Variants in SPATA17 observed in about 807,000 individuals in gnomAD.
The protein encoded by SPATA17 is spermatogenesis associated 17.
Under a neutral mutation model 62.2 loss-of-function variants are expected in SPATA17, and 53 were observed. That is an observed-to-expected ratio of 0.85 (90% CI 0.68 to 1.07). The LOEUF (loss-of-function observed/expected upper bound fraction) is 1.07. Ranked by LOEUF, SPATA17 falls within the 50% of genes least tolerant of loss-of-function variation. The pLI is 0.00. For synonymous variants in SPATA17, 146 were observed against 146.8 expected, an observed-to-expected ratio of 0.99 and a Z score of 0.04; for missense variants, 466 against 425.5, an observed-to-expected ratio of 1.10 and a Z score of -0.84.
chr1:217,783,311 G>T (rs768551176), intron 8 of SPATA17, among the ~76,000 whole-genome samples: 1 of 151,818 alleles, frequency 6.6e-6, no homozygotes, highest in East Asian at 1.9e-4. Flanking sequence ...CATAAAATAT[G>T]TTATTTGAAT....
chr1:217,697,378 C>T (rs1486470103), intron 5 of SPATA17, among the ~76,000 whole-genome samples: 1 of 152,158 alleles, frequency 6.6e-6, no homozygotes, highest in East Asian at 1.9e-4. Context: ...TCATCTTTTC[C>T]AGGATCTAAT....
intron 8 of SPATA17, among the ~76,000 whole-genome samples, chr1:217,796,339 ATG>A (rs1326244139): frequency 6.6e-5 from 10 of 152,182 alleles, no homozygotes; most frequent in Admixed American, 4.6e-4. Flanking sequence ...CATAGATGTA[ATG>A]AAATTACTGA....
At chr1:217,678,656 A>G (rs1470344141) in intron 4 of SPATA17, among the ~76,000 whole-genome samples, 1 of 152,166 alleles carries the variant, frequency 6.6e-6, no homozygotes, top group Non-Finnish European at 1.5e-5. Context: ...AGGTTTTGCC[A>G]TTTGTTTTAG....
At chr1:217,746,515 A>G (rs1571776236) in intron 6 of SPATA17, among the ~76,000 whole-genome samples, 2 of 151,408 alleles carry the variant, frequency 1.3e-5, no homozygotes. Flanking sequence ...TTGTAAGCCA[A>G]AATTGTATTT....
At chr1:217,835,595 T>G (rs544151094) in intron 9 of SPATA17, among the ~76,000 whole-genome samples, 2 of 152,254 alleles carry the variant, frequency 1.3e-5, no homozygotes, top group African/African-American at 4.8e-5. Flanking sequence ...CAATAAAATT[T>G]TCTAAGTAAG....
At chr1:217,654,918 A>G (rs578090348) in intron 3 of SPATA17, among the ~76,000 whole-genome samples, 103 of 152,076 alleles carry the variant, frequency 6.8e-4, no homozygotes, top group Admixed American at 1.1e-3. Context: ...TTGCCGTGTT[A>G]GCCAGATGGT....
At chr1:217,714,570 C>T (rs1042122338) in intron 5 of SPATA17, among the ~76,000 whole-genome samples, 1 of 146,252 alleles carries the variant, frequency 6.8e-6, no homozygotes, top group Non-Finnish European at 1.5e-5. Flanking sequence ...CTGCAAGCTC[C>T]GCCTCCCAGG....
chr1:217,725,172 A>T (rs1229366937), intron 5 of SPATA17, among the ~76,000 whole-genome samples: 1 of 152,164 alleles, frequency 6.6e-6, no homozygotes, highest in Non-Finnish European at 1.5e-5. Flanking sequence ...ATTTTTAATG[A>T]CCAACAAGTT....
At chr1:217,846,804 A>G (rs1025963140) in intron 9 of SPATA17, among the ~76,000 whole-genome samples, 2 of 152,226 alleles carry the variant, frequency 1.3e-5, no homozygotes, top group South Asian at 4.1e-4. Context: ...AAGAGTGGTT[A>G]ATTTACTTAA....
At chr1:217,779,689 T>G (rs1376748270) in intron 7 of SPATA17, among the ~76,000 whole-genome samples, 1 of 152,102 alleles carries the variant, frequency 6.6e-6, no homozygotes. Context: ...TGTTTGTTTT[T>G]TCTGAGCCAT....
intron 9 of SPATA17, among the ~76,000 whole-genome samples, chr1:217,816,846 C>G (rs546021537): frequency 6.6e-6 from 1 of 151,986 alleles, no homozygotes; most frequent in Non-Finnish European, 1.5e-5. Context: ...GTATTCCTGG[C>G]ATAAACTCTC....
intron 6 of SPATA17, among the ~76,000 whole-genome samples, chr1:217,758,267 G>A (rs770243706): frequency 6.6e-5 from 10 of 152,120 alleles, no homozygotes; most frequent in African/African-American, 2.4e-4. Flanking sequence ...CCCAATATCA[G>A]TGTTAGTATT....
intron 5 of SPATA17, among the ~76,000 whole-genome samples, chr1:217,714,488 C>CTTTCTTTTTTTT (rs1671952472): frequency 8.2e-6 from 1 of 121,432 alleles, no homozygotes; most frequent in South Asian, 2.6e-4. Context: ...AAACGTGTTT[C>CTTTCTTTTTTTT]TTTTTTTTTT....
Position 217,701,071 on chromosome 1 carries a change from T to C in SPATA17, c.395+17710T>C, listed in dbSNP as rs115862750. On this transcript the variant is annotated intron_variant, in intron 5 of 10. Transcript: ENST00000366933. The stretch of plus-strand genomic sequence containing the variant: ...CTTATTACAACCTCCGCCTCCTGGG[T>C]TGAAGTGATTCTTGTGTCTTAGCCT... Among the ~76,000 whole-genome samples, 1,195 of 151,956 alleles carry C rather than the reference T, an allele frequency of 7.9e-3. 18 individuals carry two copies. The highest frequency in any genetic ancestry group is 0.027 in the African/African-American group (1,117 of 41,444).
intron 5 of SPATA17, among the ~76,000 whole-genome samples, chr1:217,699,807 C>A (rs1008652838): frequency 4.0e-5 from 6 of 151,816 alleles, no homozygotes; most frequent in Admixed American, 2.0e-4. Context: ...AGATTTTCTC[C>A]TTTTTTTTCT....
chr1:217,786,763 T>C (rs12057818), intron 8 of SPATA17, among the ~76,000 whole-genome samples: 5,654 of 87,372 alleles, frequency 0.065, 189 homozygotes, highest in East Asian at 0.25. Context: ...CTTCTTCTTC[T>C]TCTTCTTCTT....
intron 4 of SPATA17, among the ~76,000 whole-genome samples, chr1:217,678,508 C>T (rs984805816): frequency 4.6e-5 from 7 of 151,976 alleles, no homozygotes; most frequent in African/African-American, 1.7e-4. Flanking sequence ...GCTCCTGGCC[C>T]CATGCCTTCA....
chr1:217,732,153 G>C (rs1672417722), intron 5 of SPATA17, among the ~76,000 whole-genome samples: 1 of 151,276 alleles, frequency 6.6e-6, no homozygotes, highest in Admixed American at 6.6e-5. Flanking sequence ...CAATAAATGG[G>C]ATGGCATTCC....
At chr1:217,746,107 G>T (rs74142502) in intron 6 of SPATA17, among the ~76,000 whole-genome samples, 2 of 151,976 alleles carry the variant, frequency 1.3e-5, no homozygotes, top group African/African-American at 2.4e-5. Context: ...TTAAGATTTT[G>T]ATTTCAAATT....
Sources: allele counts gnomAD v4.1 joint callset (sites outside exome capture counted in the v4.1 genomes callset), GRCh38; gene constraint gnomAD v4.1.1; transcripts MANE v1.5; gene names NCBI Gene and HGNC (gene_info 2026-07-23, HGNC 2026-07-21).